CUL2: variants seen among roughly 807,000 people sequenced by gnomAD.
CUL2 encodes the protein cullin 2.
CUL2 carries 22 observed loss-of-function variants against 110.2 expected under a neutral mutation model. The ratio of observed to expected loss-of-function variants is 0.20; its 90% confidence interval spans 0.14 to 0.28. The LOEUF is 0.28. Ranked by LOEUF, CUL2 falls within the 10% of genes least tolerant of loss-of-function variation. CUL2 has a pLI of 1.00. For missense variants in CUL2, 631 were observed against 905.5 expected (o/e 0.70, Z 3.89); for synonymous variants, 279 against 293.2 (o/e 0.95, Z 0.49).
chr10:35,034,742 G>T (rs2085576952), intron 10 of CUL2, among the ~76,000 whole-genome samples: 1 of 152,180 alleles, frequency 6.6e-6, no homozygotes, highest in African/African-American at 2.4e-5. Flanking sequence ...ACTTACAGAA[G>T]ATTATTTTAA....
intron 1 of CUL2, among the ~76,000 whole-genome samples, chr10:35,106,178 T>C (rs1381201503): frequency 6.6e-6 from 1 of 152,104 alleles, no homozygotes; most frequent in East Asian, 1.9e-4. Context: ...CCCAGAGAGC[T>C]CCCTCACTTC....
chr10:35,112,559 A>G (rs896534547), intron 1 of CUL2, among the ~76,000 whole-genome samples: 8 of 152,190 alleles, frequency 5.3e-5, no homozygotes, highest in African/African-American at 1.7e-4. Context: ...CTCTATAGAG[A>G]GAGGTCTAGA....
chr10:35,027,804 T>C (rs1482324486), intron 16 of CUL2, among the ~76,000 whole-genome samples: 2 of 152,118 alleles, frequency 1.3e-5, no homozygotes, highest in Admixed American at 1.3e-4. Flanking sequence ...ATGGAGAGAA[T>C]AGTATTTTTG....
At chr10:35,075,635 A>ACAC (rs2086796320) in intron 1 of CUL2, among the ~76,000 whole-genome samples, 1 of 140,894 alleles carries the variant, frequency 7.1e-6, no homozygotes, top group Admixed American at 7.2e-5. Context: ...TGGGCCCTAA[A>ACAC]ACACACACAC....
chr10:35,036,185 C>T (rs762435562), intron 9 of CUL2, among the ~76,000 whole-genome samples: 7 of 152,146 alleles, frequency 4.6e-5, no homozygotes, highest in East Asian at 1.9e-4. Context: ...GTTTGAACTA[C>T]GTATAAAAAT....
chr10:35,036,579 C>G (rs1489006904), intron 9 of CUL2, among the ~76,000 whole-genome samples: 1 of 152,232 alleles, frequency 6.6e-6, no homozygotes, highest in Non-Finnish European at 1.5e-5. Flanking sequence ...CAGTGTTCAA[C>G]AAGTTCCTGC....
intron 1 of CUL2, chr10:35,074,078 C>G (rs1312757428): frequency 2.0e-6 from 2 of 1,000,604 alleles, no homozygotes; most frequent in East Asian, 2.6e-5. Context: ...TGAATACTTA[C>G]TCCTTGCCAG....
intron 19 of CUL2, among the ~76,000 whole-genome samples, chr10:35,012,506 T>TA (rs1300671839): frequency 1.3e-5 from 2 of 151,854 alleles, no homozygotes; most frequent in Admixed American, 6.6e-5. Flanking sequence ...AGTGGCATTT[T>TA]ATGTGGCTCA....
intron 1 of CUL2, among the ~76,000 whole-genome samples, chr10:35,105,154 G>A (rs1029920499): frequency 6.6e-6 from 1 of 151,844 alleles, no homozygotes; most frequent in African/African-American, 2.4e-5. Context: ...GGCTGGGCGC[G>A]GTGGCTCATG....
chr10:35,108,804 A>C (rs188128278), intron 1 of CUL2, among the ~76,000 whole-genome samples: 43 of 152,196 alleles, frequency 2.8e-4, no homozygotes, highest in African/African-American at 1.0e-3. Flanking sequence ...TTGGCAGGAG[A>C]CCTCAGTTCC....
chr10:35,105,160 T>C (rs1188186768), intron 1 of CUL2, among the ~76,000 whole-genome samples: 1 of 151,234 alleles, frequency 6.6e-6, no homozygotes, highest in Non-Finnish European at 1.5e-5. Context: ...GCGCGGTGGC[T>C]CATGCCTGTA....
chr10:35,068,991 C>G (rs1028294312), intron 2 of CUL2, among the ~76,000 whole-genome samples: 7 of 152,098 alleles, frequency 4.6e-5, no homozygotes, highest in African/African-American at 1.7e-4. Context: ...GCCTCAGCCT[C>G]CCAAGTAGCT....
At chr10:35,043,161 G>C (rs1757638178) in intron 8 of CUL2, among the ~76,000 whole-genome samples, 1 of 152,084 alleles carries the variant, frequency 6.6e-6, no homozygotes, top group South Asian at 2.1e-4. Context: ...ATCACATTTT[G>C]CTTATTCTTT....
At chr10:35,111,249 T>C (rs1005401905) in intron 1 of CUL2, among the ~76,000 whole-genome samples, 12 of 151,928 alleles carry the variant, frequency 7.9e-5, no homozygotes, top group African/African-American at 2.7e-4. Flanking sequence ...TCTTCTCTTA[T>C]GAGAAGATTT....
intron 2 of CUL2, among the ~76,000 whole-genome samples, chr10:35,065,476 C>T (rs1414600880): frequency 6.6e-6 from 1 of 151,936 alleles, no homozygotes; most frequent in Non-Finnish European, 1.5e-5. Context: ...AAAAATTAGC[C>T]GGCGTGGTGA....
Position 35,025,141 on chromosome 10 carries a change from G to A in CUL2, c.1675C>T (p.Leu559=). ...SGRKLTWLHY[L]CTGEVKMNYL... ...ATTAAATGCATTTTACCTGTACACA[G>A]ATAATGTAACCATGTAAGTTTCCTT... is the stretch of plus-strand genomic sequence containing the variant. The change falls in exon 17 of 21, where the codon CTG becomes TTG. Residue 559 remains leucine (L), a synonymous_variant. Coordinates refer to ENST00000374749, the MANE Select transcript of CUL2 (RefSeq NM_003591.4). 1 of 1,563,140 alleles carries A rather than the reference G, an allele frequency of 6.4e-7. No individual in the cohort carries two copies. The highest frequency in any genetic ancestry group is 8.6e-7 in the Non-Finnish European group (1 of 1,160,064).
At chr10:35,051,128 A>C (rs1256439992) in intron 5 of CUL2, among the ~76,000 whole-genome samples, 1 of 151,628 alleles carries the variant, frequency 6.6e-6, no homozygotes, top group Non-Finnish European at 1.5e-5. Context: ...ATCCTGGCTA[A>C]CAGGGTGAAA....
chr10:35,121,813 A>G (rs1382634790), intron 1 of CUL2, among the ~76,000 whole-genome samples: 1 of 151,464 alleles, frequency 6.6e-6, no homozygotes. Context: ...CTGTCTCAAA[A>G]AAAAAAAAAA....
intron 1 of CUL2, among the ~76,000 whole-genome samples, chr10:35,108,485 A>C (rs1344187255): frequency 6.6e-6 from 1 of 152,048 alleles, no homozygotes; most frequent in Non-Finnish European, 1.5e-5. Context: ...AAGAAAAAAA[A>C]CACAGTTATT....
Sources: allele counts gnomAD v4.1 joint callset (sites outside exome capture counted in the v4.1 genomes callset), GRCh38; gene constraint gnomAD v4.1.1; transcripts MANE v1.5; gene names NCBI Gene and HGNC (gene_info 2026-07-23, HGNC 2026-07-21).